TMPRSS7: variants seen among roughly 807,000 people sequenced by gnomAD.
TMPRSS7 encodes the protein transmembrane serine protease 7.
A neutral mutation model predicts 95.6 loss-of-function variants in TMPRSS7; 81 were observed. That is an observed-to-expected ratio of 0.85 (90% CI 0.71 to 1.02). The LOEUF is 1.02. TMPRSS7 is among the 50% of genes least tolerant of loss of function. TMPRSS7 has a pLI of 0.00. For synonymous variants in TMPRSS7, 364 were observed against 337.8 expected (o/e 1.08, Z -0.85); for missense variants, 945 against 955.2 (o/e 0.99, Z 0.14).
intron 9 of TMPRSS7, among the ~76,000 whole-genome samples, chr3:112,055,800 C>T (rs1304030150): frequency 6.6e-6 from 1 of 152,146 alleles, no homozygotes; most frequent in Admixed American, 6.5e-5. Flanking sequence ...ATGATGAAGA[C>T]GATGATCCAC....
At chr3:112,058,691 G>A (rs960296906) in intron 10 of TMPRSS7, among the ~76,000 whole-genome samples, 9 of 152,142 alleles carry the variant, frequency 5.9e-5, no homozygotes, top group African/African-American at 1.9e-4. Flanking sequence ...CTTTTGTGAA[G>A]GTGTAAGCCT....
chr3:112,045,874 A>G, exon 5 of TMPRSS7: 1 of 1,551,906 alleles, frequency 6.4e-7, no homozygotes, highest in African/African-American at 1.4e-5. Context: ...CCAGACAAGC[A>G]TCATAAACCG....
At chr3:112,058,343 G>A (rs2073457675) in intron 10 of TMPRSS7, among the ~76,000 whole-genome samples, 1 of 152,168 alleles carries the variant, frequency 6.6e-6, no homozygotes, top group Non-Finnish European at 1.5e-5. Context: ...AAGACTCTAT[G>A]TTGTGGGAGT....
intron 9 of TMPRSS7, among the ~76,000 whole-genome samples, chr3:112,055,719 G>A (rs2073425462): frequency 6.7e-6 from 1 of 149,584 alleles, no homozygotes; most frequent in African/African-American, 2.5e-5. Flanking sequence ...TTCACAATCA[G>A]TACCAGGCAA....
At chr3:112,037,987 G>A in intron 1 of TMPRSS7, 85 bp from the exon 2 acceptor site, 1 of 649,454 alleles carries the variant, frequency 1.5e-6, no homozygotes, top group Admixed American at 2.5e-5. Flanking sequence ...AGGCCTTTTA[G>A]TACCAACATC....
At chr3:112,055,910 C>T (rs11715228) in intron 9 of TMPRSS7, among the ~76,000 whole-genome samples, 40,537 of 152,008 alleles carry the variant, frequency 0.27, 6,343 homozygotes, top group East Asian at 0.46. Context: ...TGGGCAATGC[C>T]GGCTAGGCAC....
chr3:112,051,611 CTA>C (rs1187336146), intron 9 of TMPRSS7, among the ~76,000 whole-genome samples: 4 of 150,614 alleles, frequency 2.7e-5, no homozygotes, highest in African/African-American at 9.8e-5. Context: ...TCTCTATTAT[CTA>C]TCTATCTCTA....
At chr3:112,070,992 T>A (rs1209290742) in intron 13 of TMPRSS7, among the ~76,000 whole-genome samples, 1 of 152,220 alleles carries the variant, frequency 6.6e-6, no homozygotes, top group Admixed American at 6.5e-5. Flanking sequence ...GTCATTATGA[T>A]GTTAGCTGGT....
intron 12 of TMPRSS7, 75 bp from the exon 13 acceptor site, chr3:112,066,317 T>G (rs1408497947): frequency 2.0e-5 from 25 of 1,245,786 alleles, no homozygotes; most frequent in Non-Finnish European, 2.7e-5. Context: ...ACCTTGAGAC[T>G]GGCACTGCTG....
chr3:112,078,782 G>A (rs778431588), exon 17 of TMPRSS7: 5 of 1,614,174 alleles, frequency 3.1e-6, no homozygotes, highest in Non-Finnish European at 4.2e-6. Context: ...CGGAGGTAGA[G>A]CTCATTGATC....
rs559344406 is a variant in TMPRSS7, at chr3:112,075,552, C to G, written c.1955+60C>G. On this transcript the variant is annotated intron_variant, in intron 15 of 17. Coordinates refer to ENST00000452346, the Ensembl canonical transcript of TMPRSS7. ...TCTGTGGCCATAGACAATATATCTG[C>G]CCTCAAATTGTGGGAAGCAGATCCC... is the stretch of plus-strand genomic sequence containing the variant. 40 of 1,298,768 alleles carry G rather than the reference C, an allele frequency of 3.1e-5. No individual in the cohort carries two copies. In the South Asian group the frequency reaches 1.0e-3, roughly 33 times the overall value. 80.5% of individuals were successfully genotyped at this position (1,298,768 alleles called of 1,614,324 possible).
chr3:112,042,706 G>A (rs1452608550), intron 3 of TMPRSS7, among the ~76,000 whole-genome samples: 1 of 152,160 alleles, frequency 6.6e-6, no homozygotes, highest in Admixed American at 6.5e-5. Flanking sequence ...TAGACTCAAA[G>A]TTAGCAAATC....
At chr3:112,078,035 AG>A (rs1186177484) in intron 16 of TMPRSS7, among the ~76,000 whole-genome samples, 2 of 152,170 alleles carry the variant, frequency 1.3e-5, no homozygotes, top group African/African-American at 4.8e-5. Context: ...AACTTCTCAA[AG>A]GCAGCTTCTC....
chr3:112,062,945 A>G (rs769609053), intron 11 of TMPRSS7, among the ~76,000 whole-genome samples: 4 of 152,214 alleles, frequency 2.6e-5, no homozygotes, highest in Admixed American at 2.0e-4. Context: ...TTGAAGAGGA[A>G]AGACTAGTGG....
intron 10 of TMPRSS7, among the ~76,000 whole-genome samples, chr3:112,061,467 A>G (rs16859130): frequency 0.043 from 6,494 of 152,284 alleles, 423 homozygotes; most frequent in African/African-American, 0.14. Context: ...CAATTCTTAC[A>G]TTACACAGGT....
chr3:112,071,502 G>C (rs1453640484), intron 13 of TMPRSS7, among the ~76,000 whole-genome samples: 1 of 152,170 alleles, frequency 6.6e-6, no homozygotes, highest in Non-Finnish European at 1.5e-5. Flanking sequence ...TGCCATGTAA[G>C]GTTGGGGAAG....
chr3:112,068,773 G>A (rs1431368427), intron 13 of TMPRSS7, among the ~76,000 whole-genome samples: 2 of 152,104 alleles, frequency 1.3e-5, no homozygotes, highest in Admixed American at 6.5e-5. Flanking sequence ...TGCAAATAGG[G>A]GCAATTTGAC....
intron 2 of TMPRSS7, among the ~76,000 whole-genome samples, chr3:112,039,340 A>G (rs1004836939): frequency 3.9e-5 from 6 of 152,198 alleles, no homozygotes; most frequent in Non-Finnish European, 5.9e-5. Context: ...GAATGATAGG[A>G]GTGATAGGAG....
intron 13 of TMPRSS7, among the ~76,000 whole-genome samples, chr3:112,068,684 GAC>G (rs1353889767): frequency 6.6e-6 from 1 of 152,154 alleles, no homozygotes; most frequent in Non-Finnish European, 1.5e-5. Context: ...TATATCCTGA[GAC>G]TGCTGAAATT....
Sources: allele counts gnomAD v4.1 joint callset (sites outside exome capture counted in the v4.1 genomes callset), GRCh38; gene constraint gnomAD v4.1.1; transcripts MANE v1.5; gene names NCBI Gene and HGNC (gene_info 2026-07-23, HGNC 2026-07-21).